The following ADAM22 variants were observed in gnomAD, a reference collection of about 807,000 sequenced individuals.
ADAM22 encodes the protein ADAM metallopeptidase domain 22, also known as disintegrin and metalloproteinase domain-containing protein 22.
A neutral mutation model predicts 144.6 loss-of-function variants in ADAM22; 65 were observed. The ratio of observed to expected loss-of-function variants is 0.45; its 90% confidence interval spans 0.37 to 0.55. The LOEUF (loss-of-function observed/expected upper bound fraction) is 0.55. Ranked by LOEUF, ADAM22 falls within the 20% of genes least tolerant of loss-of-function variation. The probability of loss-of-function intolerance (pLI) is 0.00; values close to 1 mark genes in which losing one functional copy is unlikely to be tolerated. For synonymous variants in ADAM22, 391 were observed against 412.6 expected, an observed-to-expected ratio of 0.95 and a Z score of 0.63; for missense variants, 974 against 1,184.9, an observed-to-expected ratio of 0.82 and a Z score of 2.61.
In ADAM22 at chr7:88,048,505, A is replaced by C. The variant is rs141740040; in HGVS notation, c.324-27121A>C. On this transcript the variant is annotated intron_variant, in intron 3 of 31. Transcript: ENST00000413139. ...TCCTAAATTTTTATTAATCTTTTAA[A>C]ATACTTGTTTATGTTAGGTAAAAAA... Among the ~76,000 whole-genome samples, 3 of 152,186 alleles carry C rather than the reference A, an allele frequency of 2.0e-5. No individual in the cohort carries two copies. In the East Asian group the frequency reaches 5.8e-4, roughly 29 times the overall value.
At chr7:88,173,795 C>G (rs1844943833) in intron 26 of ADAM22, among the ~76,000 whole-genome samples, 1 of 152,088 alleles carries the variant, frequency 6.6e-6, no homozygotes, top group Non-Finnish European at 1.5e-5. Flanking sequence ...TTCCTCAACT[C>G]TGAAATCAAG....
chr7:87,964,565 A>C, intron 2 of ADAM22: 1 of 381,446 alleles, frequency 2.6e-6, no homozygotes. Context: ...TAATTTGATT[A>C]TTTTTCAACC....
chr7:87,999,415 CAG>C (rs139484669), intron 3 of ADAM22, among the ~76,000 whole-genome samples: 78,836 of 151,674 alleles, frequency 0.52, 20,743 homozygotes, highest in Non-Finnish European at 0.53. Context: ...AATCAAGAAT[CAG>C]GGAGACTCAT....
At chr7:88,056,114 G>A (rs1302936358) in intron 3 of ADAM22, among the ~76,000 whole-genome samples, 1 of 152,174 alleles carries the variant, frequency 6.6e-6, no homozygotes, top group African/African-American at 2.4e-5. Context: ...TTTTAAAAAT[G>A]TTTATGGAGT....
At chr7:88,015,336 A>T (rs996511484) in intron 3 of ADAM22, among the ~76,000 whole-genome samples, 2 of 152,220 alleles carry the variant, frequency 1.3e-5, no homozygotes, top group African/African-American at 4.8e-5. Flanking sequence ...TAAAATGCTT[A>T]AATAATTACC....
intron 1 of ADAM22, 174 bp from the exon 2 acceptor site, chr7:87,934,852 T>C: frequency 1.1e-6 from 1 of 911,312 alleles, no homozygotes; most frequent in South Asian, 1.6e-5. Context: ...GATGAGCTGG[T>C]CCAAGGCTCT....
chr7:87,937,956 T>G (rs897355967), intron 2 of ADAM22, among the ~76,000 whole-genome samples: 1 of 152,206 alleles, frequency 6.6e-6, no homozygotes, highest in African/African-American at 2.4e-5. Flanking sequence ...TTTACCATGC[T>G]GCTTAAACTA....
chr7:87,956,287 A>C (rs1846721378), intron 2 of ADAM22, among the ~76,000 whole-genome samples: 1 of 152,128 alleles, frequency 6.6e-6, no homozygotes, highest in Non-Finnish European at 1.5e-5. Flanking sequence ...CTCTGAAAGT[A>C]GCTTTAAGAC....
chr7:88,032,820 T>G (rs996024019), intron 3 of ADAM22, among the ~76,000 whole-genome samples: 2 of 152,170 alleles, frequency 1.3e-5, no homozygotes, highest in Non-Finnish European at 2.9e-5. Flanking sequence ...ATCTGGTTGT[T>G]TGTAAGTGTG....
chr7:88,145,145 T>C lies in ADAM22; in HGVS notation c.1341T>C (p.Cys447=), dbSNP rs775331833. ...KPSKLLDPPE[C]GNGFIETGEE... is the part of the protein sequence containing the mutation. ...CACAGCTTCTTGATCCTCCTGAGTG[T>C]GGCAATGGCTTCATTGAAACTGGAG... The change falls in exon 16 of 32, where the codon TGT becomes TGC. Residue 447 remains cysteine (C), a synonymous_variant. Coordinates refer to ENST00000413139, the MANE Select transcript of ADAM22 (RefSeq NM_001324418.2). The C allele has an allele frequency of 3.1e-6, 5 of 1,613,864 alleles. No homozygotes were observed. In the South Asian group the frequency reaches 3.3e-5, roughly 11 times the overall value.
At chr7:88,123,660 C>T (rs192118887) in intron 7 of ADAM22, among the ~76,000 whole-genome samples, 1 of 151,454 alleles carries the variant, frequency 6.6e-6, no homozygotes, top group Non-Finnish European at 1.5e-5. Flanking sequence ...TTAGTTTGCT[C>T]TTATTTTTCT....
intron 30 of ADAM22, among the ~76,000 whole-genome samples, chr7:88,189,849 C>T (rs888826706): frequency 8.6e-5 from 13 of 152,016 alleles, no homozygotes; most frequent in African/African-American, 2.7e-4. Flanking sequence ...GAGGCTGAGG[C>T]GGGAGAATCG....
intron 4 of ADAM22, among the ~76,000 whole-genome samples, chr7:88,098,197 C>T (rs1821967606): frequency 6.6e-6 from 1 of 151,846 alleles, no homozygotes. Flanking sequence ...ATTAAGTTTG[C>T]CATATTGTGT....
chr7:87,942,490 T>A (rs1842671705), intron 2 of ADAM22, among the ~76,000 whole-genome samples: 1 of 152,172 alleles, frequency 6.6e-6, no homozygotes, highest in African/African-American at 2.4e-5. Context: ...CACCAACGAT[T>A]CTTTAGATGC....
At chr7:87,941,314 G>A (rs1842432376) in intron 2 of ADAM22, among the ~76,000 whole-genome samples, 1 of 152,176 alleles carries the variant, frequency 6.6e-6, no homozygotes, top group Admixed American at 6.5e-5. Flanking sequence ...AGCAGTAGGT[G>A]TGCTCCATTT....
intron 3 of ADAM22, among the ~76,000 whole-genome samples, chr7:88,032,628 G>A (rs1800564518): frequency 3.9e-5 from 6 of 152,154 alleles, no homozygotes; most frequent in Admixed American, 3.9e-4. Flanking sequence ...AATGTGAAAA[G>A]GACATGAGAT....
At chr7:88,026,161 A>G (rs10435250) in intron 3 of ADAM22, among the ~76,000 whole-genome samples, 60,524 of 152,004 alleles carry the variant, frequency 0.4, 13,345 homozygotes, top group East Asian at 0.59. Context: ...GTGTGTTAGC[A>G]CAGACTGGAT....
At chr7:88,149,143 G>T in intron 18 of ADAM22, 86 bp downstream of exon 18, 1 of 890,196 alleles carries the variant, frequency 1.1e-6, no homozygotes, top group Non-Finnish European at 1.8e-6. Flanking sequence ...AAATGTAAAT[G>T]AACAAGATGC....
At chr7:88,038,951 T>C (rs956032670) in intron 3 of ADAM22, among the ~76,000 whole-genome samples, 2 of 151,894 alleles carry the variant, frequency 1.3e-5, no homozygotes, top group African/African-American at 2.4e-5. Flanking sequence ...TGGCTAATTT[T>C]TTAGTTTTTT....
Sources: allele counts gnomAD v4.1 joint callset (sites outside exome capture counted in the v4.1 genomes callset), GRCh38; gene constraint gnomAD v4.1.1; transcripts MANE v1.5; gene names NCBI Gene and HGNC (gene_info 2026-07-23, HGNC 2026-07-21).